Variants in SLC35F4 observed in about 807,000 individuals in gnomAD.
The protein encoded by SLC35F4 is chromosome 14 open reading frame 36.
Under a neutral mutation model 44.2 loss-of-function variants are expected in SLC35F4, and 24 were observed. That is an observed-to-expected ratio of 0.54 (90% confidence interval 0.39 to 0.76). SLC35F4 has a LOEUF of 0.76. SLC35F4 is among the 30% of genes least tolerant of loss of function. SLC35F4 has a pLI of 0.00. For missense variants in SLC35F4, 562 were observed against 586.1 expected, an observed-to-expected ratio of 0.96 and a Z score of 0.42; for synonymous variants, 238 against 223.6, an observed-to-expected ratio of 1.06 and a Z score of -0.57.
chr14:57,589,659 A>G, intron 2 of SLC35F4, 146 bp from the exon 3 acceptor site: 1 of 921,286 alleles, frequency 1.1e-6, no homozygotes, highest in Non-Finnish European at 1.6e-6. Flanking sequence ...TCATTTGAAG[A>G]GACTGATAAC....
intron 1 of SLC35F4, among the ~76,000 whole-genome samples, chr14:57,661,368 C>T (rs921659985): frequency 3.3e-5 from 5 of 152,138 alleles, no homozygotes; most frequent in African/African-American, 1.2e-4. Context: ...CTTCCTCATG[C>T]CTGACGGATC....
intron 3 of SLC35F4, among the ~76,000 whole-genome samples, chr14:57,583,511 T>C (rs1344078637): frequency 6.6e-6 from 1 of 152,162 alleles, no homozygotes; most frequent in East Asian, 1.9e-4. Flanking sequence ...GCAAAGATTT[T>C]GGATGCAGGA....
At chr14:57,593,746 G>A (rs2070329197) in intron 2 of SLC35F4, among the ~76,000 whole-genome samples, 193 bp downstream of exon 2, 1 of 152,136 alleles carries the variant, frequency 6.6e-6, no homozygotes, top group Non-Finnish European at 1.5e-5. Context: ...CAGTTTCTCT[G>A]CCATACTATA....
rs554226578 is a variant in SLC35F4, at chr14:57,638,714, C to A, written c.104-44590G>T. ...CCTTCTGATACAAGGAAGGCTACTA[C>A]AGGAAAGGCAGGTGGGTGGCGGGAA... On this transcript the variant is annotated intron_variant, in intron 1 of 7. Transcript: ENST00000556826. Among the ~76,000 whole-genome samples, 5 of 152,190 alleles carry A rather than the reference C, an allele frequency of 3.3e-5. No individual in the cohort carries two copies. The South Asian group carries it at 6.2e-4, about 19-fold the overall frequency.
upstream of SLC35F4, among the ~76,000 whole-genome samples, chr14:57,869,674 T>G (rs140868754): frequency 3.9e-5 from 6 of 152,360 alleles, no homozygotes; most frequent in African/African-American, 1.4e-4. Flanking sequence ...CCAATGTTAC[T>G]TTGTACAAAC....
At chr14:57,908,844 A>G (rs757968244) in intron 1 of SLC35F4, among the ~76,000 whole-genome samples, 9 of 152,188 alleles carry the variant, frequency 5.9e-5, no homozygotes, top group Admixed American at 3.9e-4. Context: ...CGTTTTAGTC[A>G]TGAAGTCTTT....
intron 1 of SLC35F4, among the ~76,000 whole-genome samples, chr14:57,784,399 T>C (rs1260308257): frequency 6.6e-6 from 1 of 152,200 alleles, no homozygotes; most frequent in African/African-American, 2.4e-5. Context: ...GAAACATTTT[T>C]AGGGCTGGGT....
intron 1 of SLC35F4, among the ~76,000 whole-genome samples, chr14:57,910,891 A>T (rs1386556730): frequency 5.9e-5 from 9 of 152,030 alleles, no homozygotes; most frequent in Non-Finnish European, 8.8e-5. Context: ...ATACTGAGTC[A>T]TCCTATTCAT....
upstream of SLC35F4, among the ~76,000 whole-genome samples, chr14:57,871,012 A>G (rs10134404): frequency 0.19 from 28,579 of 152,200 alleles, 5,934 homozygotes; most frequent in African/African-American, 0.52. Context: ...ACTTCATACT[A>G]GGAAAGGGAC....
chr14:57,698,296 A>G (rs1281743236), intron 1 of SLC35F4, among the ~76,000 whole-genome samples: 1 of 152,190 alleles, frequency 6.6e-6, no homozygotes, highest in Admixed American at 6.5e-5. Context: ...TGTGATAAAG[A>G]TCCTTGTTAG....
intron 1 of SLC35F4, among the ~76,000 whole-genome samples, chr14:57,638,806 A>G (rs1446077448): frequency 6.6e-6 from 1 of 151,980 alleles, no homozygotes; most frequent in Non-Finnish European, 1.5e-5. Flanking sequence ...CCCACAAGGA[A>G]CCACCTCTCT....
chr14:57,677,539 T>C (rs1367214268), intron 1 of SLC35F4, among the ~76,000 whole-genome samples: 1 of 152,084 alleles, frequency 6.6e-6, no homozygotes, highest in East Asian at 1.9e-4. Flanking sequence ...ACTTGCTGTT[T>C]GAGTGTTTTT....
chr14:57,739,394 G>A (rs1392062560), intron 1 of SLC35F4, among the ~76,000 whole-genome samples: 1 of 152,172 alleles, frequency 6.6e-6, no homozygotes, highest in Non-Finnish European at 1.5e-5. Flanking sequence ...AGGTTTCTTT[G>A]CATGATAAGA....
chr14:57,826,846 A>C (rs1883824622), intron 1 of SLC35F4, among the ~76,000 whole-genome samples: 2 of 152,216 alleles, frequency 1.3e-5, no homozygotes, highest in African/African-American at 4.8e-5. Flanking sequence ...ATTATTAAAA[A>C]GTTAAGAAAC....
intron 1 of SLC35F4, among the ~76,000 whole-genome samples, chr14:57,905,846 A>G (rs1889095192): frequency 6.6e-6 from 1 of 152,234 alleles, no homozygotes; most frequent in South Asian, 2.1e-4. Flanking sequence ...TACAGGAGAC[A>G]GGAGCATGAT....
chr14:57,718,185 T>G (rs777237361), intron 1 of SLC35F4, among the ~76,000 whole-genome samples: 2 of 152,260 alleles, frequency 1.3e-5, no homozygotes, highest in Non-Finnish European at 2.9e-5. Flanking sequence ...TCATTCTTTT[T>G]TATAGCTCAA....
chr14:57,579,445 T>G (rs1267942944), intron 4 of SLC35F4: 1 of 143,682 alleles, frequency 7.0e-6, no homozygotes, highest in Non-Finnish European at 1.5e-5. Context: ...CGTAACCTCT[T>G]GCATCAGTGA....
intron 1 of SLC35F4, among the ~76,000 whole-genome samples, chr14:57,908,299 T>C (rs1281621019): frequency 4.6e-5 from 7 of 152,240 alleles, no homozygotes; most frequent in Non-Finnish European, 1.0e-4. Flanking sequence ...TTCCTTTGGG[T>C]ATATACCCAG....
chr14:57,587,955 G>A (rs2069886418), intron 3 of SLC35F4, among the ~76,000 whole-genome samples: 1 of 150,672 alleles, frequency 6.6e-6, no homozygotes, highest in African/African-American at 2.4e-5. Context: ...GGCGGCCAAG[G>A]TGGTCAGATC....
Sources: gnomAD v4.1 joint callset for allele counts (sites outside exome capture counted in the v4.1 genomes callset) on GRCh38, gnomAD v4.1.1 for gene constraint, MANE v1.5 for transcripts, NCBI Gene and HGNC (gene_info 2026-07-23, HGNC 2026-07-21) for gene names.